The following IPO13 variants were observed in gnomAD, a reference collection of about 807,000 sequenced individuals.
IPO13 encodes the protein importin 13, also known as importin-13.
In IPO13, 28 loss-of-function variants were observed where a neutral mutation model predicts 115.5. The ratio of observed to expected loss-of-function variants is 0.24; its 90% confidence interval spans 0.18 to 0.33. The LOEUF is 0.33. Among genes scored for constraint, IPO13 ranks in the 10% least tolerant of loss-of-function variants. The pLI is 1.00. For missense variants in IPO13, 785 were observed against 1,204.6 expected, an observed-to-expected ratio of 0.65 and a Z score of 5.16; for synonymous variants, 414 against 478.9, an observed-to-expected ratio of 0.86 and a Z score of 1.77.
chr1:43,964,283 C>T lies in IPO13; in HGVS notation c.2359C>T (p.Pro787Ser). 1 of 1,610,008 alleles carries T rather than the reference C, an allele frequency of 6.2e-7. No homozygotes were observed. Among genetic ancestry groups the T allele is most frequent in the Non-Finnish European group, 8.5e-7 (1 of 1,176,750 alleles). Residue 787 changes from proline to serine, a missense_variant, in exon 15 of 20, where the codon CCT becomes TCT. Physicochemically the swap from Pro to Ser is moderately conservative, Grantham distance 74 (BLOSUM62 -1). Transcript: ENST00000372343. ...TTATATTTTAGGGCCCAGGGATCATCCTGATATTGTTGATTCATTTATGCA... is the reference window on the plus strand; with the variant it reads ...TTATATTTTAGGGCCCAGGGATCATTCTGATATTGTTGATTCATTTATGCA... Reference protein sequence around the residue: ...TLFQQGPRDHPDIVDSFMQLL... With the variant: ...TLFQQGPRDHSDIVDSFMQLL...
rs2085323655 is a variant in IPO13 at position 43,966,234 on chromosome 1, C to T, written c.2398-341C>T. 2 of 422,252 alleles carry T rather than the reference C, an allele frequency of 4.7e-6. No individual in the cohort carries two copies. Among genetic ancestry groups the T allele is most frequent in the African/African-American group, 2.0e-5 (1 of 49,676 alleles). The allele number at this position is 422,252 out of a possible 1,614,324, so 26.2% of individuals were successfully genotyped here. A position where few individuals can be genotyped will look rare whatever the true frequency, so the allele number is the denominator to read the frequency against. On this transcript the variant is annotated intron_variant, in intron 15 of 19. Transcript: ENST00000372343. This position sits in a 1 kb window ranked among gnomAD's most constrained non-coding sequence, Gnocchi z 4.1. ...CTCCCTCTGTGAATCAACATGAAGT[C>T]ACTGCTGGCAACCTAGAGCCTGCGA...
chr1:43,967,572 C>G lies in IPO13; in HGVS notation c.2796-14C>G. On this transcript the variant is annotated splice_polypyrimidine_tract_variant and intron_variant, in intron 19 of 19. Transcript: ENST00000372343. This position sits in a 1 kb window ranked among gnomAD's most constrained non-coding sequence, Gnocchi z 6.1. Reference sequence around the variant, plus strand: ...GGTGGCTGGTGCTAACCTGCTCTCCCTTTTCTCCTTCAGCGAGCGAGTGAA... The same window carrying G: ...GGTGGCTGGTGCTAACCTGCTCTCCGTTTTCTCCTTCAGCGAGCGAGTGAA... 1 of 1,614,162 alleles carries G rather than the reference C, an allele frequency of 6.2e-7. No individual in the cohort carries two copies.
chr1:43,953,201 A>C (rs568264815), intron 2 of IPO13: 2 of 152,232 alleles, frequency 1.3e-5, no homozygotes, highest in South Asian at 4.1e-4. Flanking sequence ...CCATTTTCTC[A>C]GCTCTGCTCC....
intron 2 of IPO13, among the ~76,000 whole-genome samples, chr1:43,951,515 T>C (rs1335947327): frequency 6.6e-6 from 1 of 152,126 alleles, no homozygotes; most frequent in Non-Finnish European, 1.5e-5. Flanking sequence ...AATCATTAGA[T>C]GTGATTAGAC....
In IPO13 at chr1:43,949,500, A is replaced by G. The variant is rs562549124; in HGVS notation, c.168A>G (p.Pro56=). ...QKWLMQAQVS[P]QAWHFSWQLL... Reference sequence around the variant, plus strand: ...GGCTGATGCAGGCCCAGGTCTCCCCACAGGCCTGGCACTTCAGCTGGCAGC... The same window carrying G: ...GGCTGATGCAGGCCCAGGTCTCCCCGCAGGCCTGGCACTTCAGCTGGCAGC... The change falls in exon 2 of 20, where the codon CCA becomes CCG. Residue 56 remains proline, a synonymous_variant. Transcript: ENST00000372343. The G allele has an allele frequency of 1.2e-6, 2 of 1,614,108 alleles. No homozygotes were observed. The highest frequency in any genetic ancestry group is 2.7e-5 in the African/African-American group (2 of 75,044).
chr1:43,958,383 T>C lies in IPO13; in HGVS notation c.1750-78T>C. The C allele has an allele frequency of 6.2e-7, 1 of 1,610,516 alleles. No individual in the cohort carries two copies. Among genetic ancestry groups the C allele is most frequent in the Non-Finnish European group, 8.5e-7 (1 of 1,177,576 alleles). ...CTTATCCCTTATTCTCTGTTTTTCT[T>C]CTCCCAAGAGGCTCATTTTCCTTCC... is the stretch of plus-strand genomic sequence containing the variant. On this transcript the variant is annotated intron_variant, in intron 9 of 19. Transcript: ENST00000372343. The surrounding 1 kb of genome is among the most constrained non-coding windows in gnomAD (Gnocchi z 6.3).
At chr1:43,954,923 C>A (rs2085233897) in intron 2 of IPO13, among the ~76,000 whole-genome samples, 1 of 152,200 alleles carries the variant, frequency 6.6e-6, no homozygotes, top group African/African-American at 2.4e-5. Flanking sequence ...TATCAGGTGT[C>A]TCTGAATCAA....
rs531308576 is a variant in IPO13, at chr1:43,956,596, C to T, written c.999C>T (p.Phe333=). 3 of 1,614,212 alleles carry T rather than the reference C, an allele frequency of 1.9e-6. No homozygotes were observed. Among genetic ancestry groups the T allele is most frequent in the East Asian group, 2.2e-5 (1 of 44,882 alleles). The change falls in exon 4 of 20, where the codon TTC becomes TTT. Residue 333 remains phenylalanine (F), a synonymous_variant. Coordinates refer to ENST00000372343, the MANE Select transcript of IPO13 (RefSeq NM_014652.4). The surrounding 1 kb of genome is among the most constrained non-coding windows in gnomAD (Gnocchi z 4.7). ...LLDQVEHWQS[F]LALVNMIMFC... ...ACCAAGTAGAGCACTGGCAGAGTTT[C>T]CTGGCACTCGTCAACATGATTATGT...
In IPO13 at chr1:43,949,657, A is replaced by G. The variant is rs757612978; in HGVS notation, c.325A>G (p.Ile109Val). ...ESLKAQLFTQ[I>V]TRFASGSKIV... ...CCTAAAGGCACAGCTCTTCACCCAG[A>G]TCACCCGCTTTGCCAGTGGCTCCAA... The change falls in exon 2 of 20, where the codon ATC becomes GTC. Residue 109 changes from isoleucine (I) to valine (V), a missense_variant. Ile to Val is a conservative substitution (Grantham distance 29, BLOSUM62 3). Around this residue, in one of 3 missense-constraint regions of IPO13, gnomAD observed 325 missense variants for 449.8 expected, o/e 0.72. Transcript: ENST00000372343. 1 of 1,614,212 alleles carries G rather than the reference A, an allele frequency of 6.2e-7. No individual in the cohort carries two copies. Among genetic ancestry groups the G allele is most frequent in the Non-Finnish European group, 8.5e-7 (1 of 1,180,040 alleles).
At position 43,956,323 on chromosome 1, in the gene IPO13, C is replaced by T. The variant is rs1216097064; in HGVS notation, c.825C>T (p.Tyr275=). 7.4e-6 allele frequency: 12 copies of T among 1,614,034 alleles called. No homozygotes were observed. The highest frequency in any genetic ancestry group is 6.6e-5 in the South Asian group (6 of 91,078). The part of the protein sequence containing the change: ...NAISQPDAQR[Y]VNTLLKLIPL... ...TTTTCTCACCTCATGCCTCTAGGTA[C>T]GTGAACACACTCCTGAAACTCATCC... Residue 275 remains tyrosine, a synonymous_variant, in exon 3 of 20, where the codon TAC becomes TAT. Coordinates refer to ENST00000372343, the MANE Select transcript of IPO13 (RefSeq NM_014652.4). This position sits in a 1 kb window ranked among gnomAD's most constrained non-coding sequence, Gnocchi z 4.7.
rs143986626 is a variant in IPO13 at position 43,958,120 on chromosome 1, C to T, written c.1684C>T (p.Leu562=). 1,029 of 1,614,204 alleles carry T rather than the reference C, an allele frequency of 6.4e-4. 5 individuals carry two copies. The highest frequency in any genetic ancestry group is 2.0e-4 in the Non-Finnish European group (231 of 1,180,038). Residue 562 remains leucine (L), a synonymous_variant, in exon 8 of 20, where the codon CTG becomes TTG. Transcript: ENST00000372343. The surrounding 1 kb of genome is among the most constrained non-coding windows in gnomAD (Gnocchi z 6.3). ...KKICRECKYD[L]PPYAANIVAV... ...GATCTGCCGAGAGTGCAAGTATGAC[C>T]TGCCTCCCTATGCTGCCAACATTGT...
rs770761423 is a variant in IPO13, at chr1:43,949,825, G to A, written c.493G>A (p.Ala165Thr). 3.8e-5 allele frequency: 62 copies of A among 1,613,808 alleles called. No individual in the cohort carries two copies. Among genetic ancestry groups the A allele is most frequent in the Non-Finnish European group, 5.3e-5 (62 of 1,179,962 alleles). ...SPVDGQGRCL[A>T]LLELLTVLPE... Reference sequence around the variant, plus strand: ...AGTGGATGGGCAGGGCCGCTGCCTAGCCCTGTTAGAGCTGCTGACAGTGCT... The same window carrying A: ...AGTGGATGGGCAGGGCCGCTGCCTAACCCTGTTAGAGCTGCTGACAGTGCT... The change falls in exon 2 of 20, where the codon GCC becomes ACC. Residue 165 changes from alanine (A) to threonine (T), a missense_variant. Around this residue, in one of 3 missense-constraint regions of IPO13, gnomAD observed 325 missense variants for 449.8 expected, o/e 0.72. Coordinates refer to ENST00000372343, the MANE Select transcript of IPO13 (RefSeq NM_014652.4).
rs763746794 is a variant in IPO13 at position 43,966,726 on chromosome 1, G to A, written c.2467G>A (p.Val823Met). 3.7e-6 allele frequency: 6 copies of A among 1,614,070 alleles called. No homozygotes were observed. The highest frequency in any genetic ancestry group is 1.3e-5 in the African/African-American group (1 of 74,906). The change falls in exon 17 of 20, where the codon GTG (valine) becomes ATG (methionine). Residue 823 changes from valine (V) to methionine (M), a missense_variant and splice_region_variant. This residue lies in a region of IPO13 where 285 missense variants were observed against 394.8 expected (regional missense o/e 0.72). Transcript: ENST00000372343. The surrounding 1 kb of genome is among the most constrained non-coding windows in gnomAD (Gnocchi z 4.1). ...ATCTGCCTCTGCCTTTCCCACAGCT[G>A]TGCTGGCCCTCAAGTTCCCTGAGGC... ...LDVKAVFQCA[V>M]LALKFPEAPT... is the part of the protein sequence containing the mutation.
Position 43,947,202 on chromosome 1 carries a change from CG to C in IPO13, c.-394del. ...CATAGCAGCCGAGAGCTCACCCAGGCGGGGGTGTTGTGGGTACAGGCCATCG... is the reference window on the plus strand; with the variant it reads ...CATAGCAGCCGAGAGCTCACCCAGGCGGGGTGTTGTGGGTACAGGCCATCG... On this transcript the variant is annotated 5_prime_UTR_variant, in exon 1 of 20. Coordinates refer to ENST00000372343, the MANE Select transcript of IPO13 (RefSeq NM_014652.4). 2 of 398,834 alleles carry C rather than the reference CG, an allele frequency of 5.0e-6. No individual in the cohort carries two copies. Among genetic ancestry groups the C allele is most frequent in the Admixed American group, 4.4e-5 (1 of 22,738 alleles). The allele number at this position is 398,834 out of a possible 1,614,324, so 24.7% of individuals were successfully genotyped here.
At position 43,967,040 on chromosome 1, in the gene IPO13, G is replaced by A. The variant is rs370787963; in HGVS notation, c.2613+21G>A. The A allele has an allele frequency of 1.2e-5, 19 of 1,608,530 alleles. No individual in the cohort carries two copies. Among genetic ancestry groups the A allele is most frequent in the Non-Finnish European group, 1.4e-5 (16 of 1,175,304 alleles). Reference sequence around the variant, plus strand: ...TGGAGGTGAGACGGAGCAAAGGGGGGTTTGATGGGGGTGAGGGCCCCTCAC... The same window carrying A: ...TGGAGGTGAGACGGAGCAAAGGGGGATTTGATGGGGGTGAGGGCCCCTCAC... On this transcript the variant is annotated intron_variant, in intron 18 of 19. Transcript: ENST00000372343. The surrounding 1 kb of genome is among the most constrained non-coding windows in gnomAD (Gnocchi z 6.1).
chr1:43,947,936 A>AGG (rs2085178772), intron 1 of IPO13, among the ~76,000 whole-genome samples: 1 of 152,152 alleles, frequency 6.6e-6, no homozygotes, highest in Non-Finnish European at 1.5e-5. Flanking sequence ...GCTGTGACTT[A>AGG]GCCTTCCGTC....
chr1:43,966,851 T>C lies in IPO13; in HGVS notation c.2523+69T>C. On this transcript the variant is annotated intron_variant, in intron 17 of 19. Transcript: ENST00000372343. The surrounding 1 kb of genome is among the most constrained non-coding windows in gnomAD (Gnocchi z 4.1). ...CTCCCCTGCCCAGGACTTCAGACAG[T>C]AGGGCTGGGGTGTACAGGTCTTGTC... 3.1e-6 allele frequency: 5 copies of C among 1,601,458 alleles called. No individual in the cohort carries two copies. The highest frequency in any genetic ancestry group is 4.3e-6 in the Non-Finnish European group (5 of 1,169,182).
At chr1:43,955,554 G>A (rs1373675920) in intron 2 of IPO13, among the ~76,000 whole-genome samples, 3 of 152,068 alleles carry the variant, frequency 2.0e-5, no homozygotes, top group Non-Finnish European at 4.4e-5. Flanking sequence ...GTGTTCCCTG[G>A]CTTCCAGCTG....
Position 43,958,019 on chromosome 1 carries a change from A to G in IPO13, c.1583A>G (p.Asn528Ser), listed in dbSNP as rs2085262847. ...CTGGCTGACCACCCCGTCATGATCA[A>G]CAGTGTTCTGCCCTTGGTACTGCAT... ...EWLADHPVMI[N>S]SVLPLVLHAL... Residue 528 changes from asparagine (N) to serine (S), a missense_variant, in exon 8 of 20, where the codon AAC (asparagine) becomes AGC (serine). Physicochemically the swap from Asn to Ser is conservative, Grantham distance 46. Around this residue, in one of 3 missense-constraint regions of IPO13, gnomAD observed 175 missense variants for 360.0 expected, o/e 0.49. Coordinates refer to ENST00000372343, the MANE Select transcript of IPO13 (RefSeq NM_014652.4). The surrounding 1 kb of genome is among the most constrained non-coding windows in gnomAD (Gnocchi z 6.3). The G allele has an allele frequency of 6.2e-6, 10 of 1,614,132 alleles. No homozygotes were observed. Among genetic ancestry groups the G allele is most frequent in the Non-Finnish European group, 8.5e-6 (10 of 1,180,006 alleles).
Sources: gnomAD v4.1 joint callset for allele counts (sites outside exome capture counted in the v4.1 genomes callset) on GRCh38, gnomAD v4.1.1 for gene constraint, gnomAD v4.1.1 regional missense constraint, Gnocchi (gnomAD v3.1) non-coding constraint, MANE v1.5 for transcripts, NCBI Gene and HGNC (gene_info 2026-07-23, HGNC 2026-07-21) for gene names.